The following FRMD4B variants were observed in gnomAD, a reference collection of about 807,000 sequenced individuals.
FRMD4B encodes FERM domain containing 4B, also known as FERM domain-containing protein 4B.
A neutral mutation model predicts 141.5 loss-of-function variants in FRMD4B; 74 were observed. The observed-to-expected ratio is 0.52, with a 90% confidence interval of 0.43 to 0.63. The LOEUF is 0.63. Among genes scored for constraint, FRMD4B ranks in the 30% least tolerant of loss-of-function variants. The pLI, the probability that FRMD4B is intolerant of heterozygous loss-of-function variation, is 0.00. For synonymous variants in FRMD4B, 506 were observed against 467.9 expected (o/e 1.08, Z -1.05); for missense variants, 1,366 against 1,253.4 (o/e 1.09, Z -1.36).
intron 21 of FRMD4B, among the ~76,000 whole-genome samples, 157 bp downstream of exon 21, chr3:69,180,742 T>A (rs2107591151): frequency 6.6e-6 from 1 of 152,288 alleles, no homozygotes; most frequent in South Asian, 2.1e-4. Flanking sequence ...GAAAGAACTG[T>A]TTTTAAGTTG....
intron 2 of FRMD4B, among the ~76,000 whole-genome samples, chr3:69,405,794 G>C (rs1335203115): frequency 6.6e-6 from 1 of 152,104 alleles, no homozygotes; most frequent in East Asian, 1.9e-4. Context: ...CCTGCTTTCT[G>C]GTCTGCAGAA....
intron 1 of FRMD4B, among the ~76,000 whole-genome samples, chr3:69,484,118 G>A (rs1033699941): frequency 2.0e-5 from 3 of 152,176 alleles, no homozygotes; most frequent in African/African-American, 4.8e-5. Flanking sequence ...TGAGCAAGGC[G>A]TAGGATGTTT....
At chr3:69,277,165 A>G (rs1164043432) in intron 5 of FRMD4B, among the ~76,000 whole-genome samples, 1 of 152,176 alleles carries the variant, frequency 6.6e-6, no homozygotes, top group Non-Finnish European at 1.5e-5. Context: ...GTCTTTCCAC[A>G]TTTATTTAAA....
intron 1 of FRMD4B, among the ~76,000 whole-genome samples, chr3:69,501,300 A>C (rs1179210577): frequency 6.6e-6 from 1 of 151,066 alleles, no homozygotes; most frequent in Non-Finnish European, 1.5e-5. Context: ...GGCCCAAGAC[A>C]ATTCTTCCAG....
intron 1 of FRMD4B, among the ~76,000 whole-genome samples, chr3:69,324,762 CACTT>C (rs1702123697): frequency 6.6e-6 from 1 of 152,270 alleles, no homozygotes; most frequent in African/African-American, 2.4e-5. Context: ...GTGCAAAACT[CACTT>C]CTCTTTACCC....
chr3:69,429,218 C>T (rs1279648560), intron 2 of FRMD4B, among the ~76,000 whole-genome samples: 1 of 152,196 alleles, frequency 6.6e-6, no homozygotes, highest in Non-Finnish European at 1.5e-5. Flanking sequence ...AAAGTGAACA[C>T]ACTTGTGCAT....
At chr3:69,217,062 A>G (rs181561383) in intron 10 of FRMD4B, among the ~76,000 whole-genome samples, 30 of 152,260 alleles carry the variant, frequency 2.0e-4, no homozygotes, top group Admixed American at 1.6e-3. Context: ...AATTACAAAG[A>G]TGAGAAAAGT....
chr3:69,200,383 A>G, intron 11 of FRMD4B: 4 of 982,046 alleles, frequency 4.1e-6, no homozygotes, highest in Non-Finnish European at 4.9e-6. Flanking sequence ...ATTTCTTAAA[A>G]TCTCCACAAA....
intron 1 of FRMD4B, among the ~76,000 whole-genome samples, chr3:69,512,730 A>G (rs1035137674): frequency 2.0e-5 from 3 of 152,236 alleles, no homozygotes; most frequent in African/African-American, 7.2e-5. Context: ...AAGCTAGGGA[A>G]AGTAGTCTCT....
At chr3:69,502,558 A>G (rs2107068444) in intron 1 of FRMD4B, among the ~76,000 whole-genome samples, 1 of 152,366 alleles carries the variant, frequency 6.6e-6, no homozygotes, top group South Asian at 2.1e-4. Context: ...CTTAAATGTT[A>G]GAACTAAAAC....
At chr3:69,356,226 G>A (rs1248648249) in intron 1 of FRMD4B, among the ~76,000 whole-genome samples, 2 of 152,184 alleles carry the variant, frequency 1.3e-5, no homozygotes, top group African/African-American at 4.8e-5. Context: ...AGGATGCCAA[G>A]TATTGATCCT....
At chr3:69,275,204 T>G (rs13077397) in intron 5 of FRMD4B, among the ~76,000 whole-genome samples, 26,990 of 152,170 alleles carry the variant, frequency 0.18, 2,810 homozygotes, top group East Asian at 0.35. Flanking sequence ...AGATTATGGA[T>G]CTTTTTGATT....
chr3:69,376,130 G>A (rs1425969066), intron 1 of FRMD4B, among the ~76,000 whole-genome samples: 1 of 152,130 alleles, frequency 6.6e-6, no homozygotes, highest in Non-Finnish European at 1.5e-5. Flanking sequence ...ACAAACAGAT[G>A]TGACATAATT....
Position 69,216,282 on chromosome 3 carries a change from T to G in FRMD4B, c.857A>C (p.Asp286Ala). The G allele has an allele frequency of 6.4e-7, 1 of 1,560,676 alleles. No homozygotes were observed. Among genetic ancestry groups the G allele is most frequent in the Non-Finnish European group, 8.8e-7 (1 of 1,141,162 alleles). ...ACTTACCTTCCGAGGCTTCACCTTG[T>G]CTTGTATATCATATTGGCCAATTCC... is the stretch of plus-strand genomic sequence containing the variant. ...YKGIGQYDIQ[D>A]KVKPRKLFQW... Residue 286 changes from aspartate (D) to alanine (A), a missense_variant, in exon 11 of 23, where the codon GAC (aspartate) becomes GCC (alanine). Physicochemically the swap from Asp to Ala is moderately radical, Grantham distance 126 (BLOSUM62 -2). Transcript: ENST00000398540.
At chr3:69,527,693 A>C (rs1429172457) in intron 1 of FRMD4B, among the ~76,000 whole-genome samples, 1 of 152,254 alleles carries the variant, frequency 6.6e-6, no homozygotes, top group Non-Finnish European at 1.5e-5. Flanking sequence ...CCTCACCTAC[A>C]GTACAGTGAC....
intron 1 of FRMD4B, among the ~76,000 whole-genome samples, chr3:69,378,563 T>A (rs947417333): frequency 3.3e-5 from 5 of 152,342 alleles, no homozygotes; most frequent in Non-Finnish European, 7.4e-5. Context: ...ACCCCATTTA[T>A]GCTGACTGAT....
At chr3:69,534,413 T>C (rs894092433) in intron 1 of FRMD4B, among the ~76,000 whole-genome samples, 3 of 152,234 alleles carry the variant, frequency 2.0e-5, no homozygotes, top group African/African-American at 7.2e-5. Flanking sequence ...TCATCTAAAA[T>C]TAACTCATGT....
At chr3:69,185,625 G>A (rs2092758240) in intron 19 of FRMD4B, among the ~76,000 whole-genome samples, 3 of 152,076 alleles carry the variant, frequency 2.0e-5, no homozygotes, top group African/African-American at 7.2e-5. Context: ...CATGGTCCCT[G>A]GCCCTCAGTG....
intron 11 of FRMD4B, among the ~76,000 whole-genome samples, chr3:69,211,119 G>A (rs1167973386): frequency 6.6e-6 from 1 of 150,680 alleles, no homozygotes; most frequent in Non-Finnish European, 1.5e-5. Context: ...TCTAACCAGT[G>A]ATCCAAGAAT....
Sources: allele counts gnomAD v4.1 joint callset (sites outside exome capture counted in the v4.1 genomes callset), GRCh38; gene constraint gnomAD v4.1.1; transcripts MANE v1.5; gene names NCBI Gene and HGNC (gene_info 2026-07-23, HGNC 2026-07-21).